Variants in CHD7 observed in about 807,000 individuals in gnomAD.
The protein encoded by CHD7 is chromodomain helicase DNA binding protein 7.
In CHD7, 24 loss-of-function variants were observed where a neutral mutation model predicts 307.3. That is an observed-to-expected ratio of 0.08 (90% CI 0.06 to 0.11). The LOEUF (loss-of-function observed/expected upper bound fraction) is 0.11. Ranked by LOEUF, CHD7 falls within the 10% of genes least tolerant of loss-of-function variation. CHD7 has a pLI of 1.00. For missense variants in CHD7, 3,106 were observed against 3,727.1 expected (o/e 0.83, Z 4.34); for synonymous variants, 1,363 against 1,349.9 (o/e 1.01, Z -0.21).
intron 15 of CHD7, among the ~76,000 whole-genome samples, chr8:60,835,092 G>C (rs1586414331): frequency 6.6e-6 from 1 of 152,350 alleles, no homozygotes; most frequent in South Asian, 2.1e-4. Flanking sequence ...TCCACCTTCA[G>C]GGAAAAGAGC....
intron 34 of CHD7, 99 bp downstream of exon 34, chr8:60,856,987 G>C: frequency 9.3e-7 from 1 of 1,080,852 alleles, no homozygotes; most frequent in Non-Finnish European, 1.3e-6. Flanking sequence ...CAGCAGCATT[G>C]TATGAAAGCC....
chr8:60,857,021 T>C, intron 34 of CHD7, 133 bp downstream of exon 34: 1 of 731,414 alleles, frequency 1.4e-6, no homozygotes. Context: ...AAAGAAATAG[T>C]TTTACAATAA....
intron 18 of CHD7, 31 bp from the exon 19 acceptor site, chr8:60,838,040 ATTATT>A (rs1477813634): frequency 7.1e-7 from 1 of 1,410,912 alleles, no homozygotes; most frequent in African/African-American, 1.4e-5. Context: ...TTAATTTTAA[ATTATT>A]TTGAGTATTT....
At chr8:60,729,245 G>A (rs1182378627) in intron 1 of CHD7, among the ~76,000 whole-genome samples, 1 of 149,844 alleles carries the variant, frequency 6.7e-6, no homozygotes, top group African/African-American at 2.5e-5. Context: ...CAGGTGCCCA[G>A]CCAAAGCACA....
intron 2 of CHD7, among the ~76,000 whole-genome samples, chr8:60,743,728 G>A (rs192862472): frequency 2.4e-4 from 36 of 152,230 alleles, no homozygotes; most frequent in Middle Eastern, 3.4e-3. Context: ...GTAAGCTGAC[G>A]TTTTTGTTAT....
intron 2 of CHD7, among the ~76,000 whole-genome samples, chr8:60,765,598 C>T (rs1810435133): frequency 6.6e-6 from 1 of 152,168 alleles, no homozygotes; most frequent in African/African-American, 2.4e-5. Flanking sequence ...AATGATAAAT[C>T]CACAAGCACT....
rs748636319 is a variant in CHD7 at position 60,834,781 on chromosome 8, A to AC, written c.3779-1290dup. 1.1e-4 allele frequency among the ~76,000 whole-genome samples: 17 copies of AC among 152,318 alleles called. No individual in the cohort carries two copies. The East Asian group carries it at 2.7e-3, about 24-fold the overall frequency. ...TTAATAGGCTGTATTTCTGCATTTG[A>AC]CCATGTCATAAGGTAATTTCTACAT... On this transcript the variant is annotated intron_variant, in intron 15 of 37. Coordinates refer to ENST00000423902, the MANE Select transcript of CHD7 (RefSeq NM_017780.4).
chr8:60,740,179 G>A (rs1314545108), intron 1 of CHD7, among the ~76,000 whole-genome samples: 1 of 152,204 alleles, frequency 6.6e-6, no homozygotes, highest in Non-Finnish European at 1.5e-5. Context: ...TACACAGTGC[G>A]CTGGAAGCAC....
rs1277618393 is a variant in CHD7, at chr8:60,678,904, C to G, written c.-353C>G. ...AGTGAAATTACACAAAGGAGCGCCG[C>G]GGAGGAGGCGGCCCGGGGACCCGGA... On this transcript the variant is annotated 5_prime_UTR_variant, in exon 1 of 38. Transcript: ENST00000423902. 7 of 152,646 alleles carry G rather than the reference C, an allele frequency of 4.6e-5. No homozygotes were observed. The highest frequency in any genetic ancestry group is 2.0e-4 in the East Asian group (1 of 5,118). 9.5% of individuals were successfully genotyped at this position (152,646 alleles called of 1,614,324 possible).
intron 2 of CHD7, among the ~76,000 whole-genome samples, chr8:60,770,169 G>A (rs1245295206): frequency 1.3e-5 from 2 of 152,128 alleles, no homozygotes; most frequent in African/African-American, 4.8e-5. Context: ...ATAATTGGTG[G>A]GACAGTTTAT....
intron 12 of CHD7, among the ~76,000 whole-genome samples, 189 bp from the exon 13 acceptor site, chr8:60,823,651 A>C (rs1804143567): frequency 6.6e-6 from 1 of 152,178 alleles, no homozygotes; most frequent in Admixed American, 6.5e-5. Flanking sequence ...CAGTTTTCTC[A>C]TTTGTTTTCC....
chr8:60,732,461 A>G lies in CHD7; in HGVS notation c.-174-8798A>G, dbSNP rs189726977. ...AGCCTTATAGGAGCTGGTGATTGCCACGGGGTCCCCAGACAGAGCATGGCC... is the reference window on the plus strand; with the variant it reads ...AGCCTTATAGGAGCTGGTGATTGCCGCGGGGTCCCCAGACAGAGCATGGCC... On this transcript the variant is annotated intron_variant, in intron 1 of 37. Transcript: ENST00000423902. 3.4e-3 allele frequency among the ~76,000 whole-genome samples: 514 copies of G among 152,302 alleles called. 1 individual carries two copies. The highest frequency in any genetic ancestry group is 5.1e-3 in the Non-Finnish European group (349 of 68,034).
At chr8:60,688,375 C>G (rs1231823062) in intron 1 of CHD7, among the ~76,000 whole-genome samples, 1 of 152,202 alleles carries the variant, frequency 6.6e-6, no homozygotes, top group African/African-American at 2.4e-5. Context: ...TCAGTTTAAT[C>G]ATGGAACTTA....
chr8:60,847,710 C>T (rs903001179), intron 23 of CHD7, among the ~76,000 whole-genome samples: 3 of 152,136 alleles, frequency 2.0e-5, no homozygotes, highest in African/African-American at 4.8e-5. Flanking sequence ...ATTATGTTTT[C>T]GCCATTGAGA....
intron 1 of CHD7, among the ~76,000 whole-genome samples, chr8:60,685,418 C>T (rs1033929657): frequency 6.6e-6 from 1 of 152,168 alleles, no homozygotes; most frequent in Non-Finnish European, 1.5e-5. Context: ...CTGTGGTAAC[C>T]AGACCTTGGC....
chr8:60,857,887 T>C (rs1805784537), intron 34 of CHD7, among the ~76,000 whole-genome samples: 1 of 152,166 alleles, frequency 6.6e-6, no homozygotes, highest in African/African-American at 2.4e-5. Context: ...AAATGAAAAA[T>C]AACATCCACT....
At position 60,865,872 on chromosome 8, in the gene CHD7, G is replaced by T. The variant is rs1392645019; in HGVS notation, c.8933G>T (p.Gly2978Val). Residue 2978 changes from glycine (G) to valine (V), a missense_variant, in exon 38 of 38, where the codon GGT becomes GTT. By Grantham distance (109) the Gly-to-Val change is moderately radical. Around this residue, in one of 10 missense-constraint regions of CHD7, gnomAD observed 351 missense variants for 366.2 expected, o/e 0.96. Transcript: ENST00000423902. The surrounding 1 kb of genome is among the most constrained non-coding windows in gnomAD (Gnocchi z 4.3). Reference sequence around the variant, plus strand: ...CTCTTAGAAGACGAAATAGCACAGGGTGAAGAGCTAGACTCACTTGATGGG... The same window carrying T: ...CTCTTAGAAGACGAAATAGCACAGGTTGAAGAGCTAGACTCACTTGATGGG... ...SSLLEDEIAQ[G>V]EELDSLDGGD... is the part of the protein sequence containing the mutation. 1.2e-6 allele frequency: 2 copies of T among 1,611,958 alleles called. No homozygotes were observed. Among genetic ancestry groups the T allele is most frequent in the African/African-American group, 1.3e-5 (1 of 74,918 alleles).
intron 1 of CHD7, among the ~76,000 whole-genome samples, chr8:60,688,818 C>T (rs148010438): frequency 4.2e-4 from 64 of 152,260 alleles, no homozygotes; most frequent in African/African-American, 1.4e-3. Flanking sequence ...TGGGATATTA[C>T]GGTTTTCTGA....
In CHD7 at chr8:60,742,486, G is replaced by A; in HGVS notation, c.1054G>A (p.Gly352Arg). ...QSVPRYPNAV[G>R]FPSNSGQGLM... The stretch of plus-strand genomic sequence containing the variant: ...CGTACCAAGATACCCCAATGCTGTA[G>A]GATTCCCATCAAACAGTGGTCAAGG... The change falls in exon 2 of 38, where the codon GGA (glycine) becomes AGA (arginine). Residue 352 changes from glycine to arginine, a missense_variant. Around this residue, in one of 10 missense-constraint regions of CHD7, gnomAD observed 998 missense variants for 1,004.5 expected, o/e 0.99. Transcript: ENST00000423902. 6.2e-7 allele frequency: 1 copy of A among 1,613,986 alleles called. No homozygotes were observed.
Sources: gnomAD v4.1 joint callset for allele counts (sites outside exome capture counted in the v4.1 genomes callset) on GRCh38, gnomAD v4.1.1 for gene constraint, gnomAD v4.1.1 regional missense constraint, Gnocchi (gnomAD v3.1) non-coding constraint, MANE v1.5 for transcripts, NCBI Gene and HGNC (gene_info 2026-07-23, HGNC 2026-07-21) for gene names.